Variants in MKNK1 observed in about 807,000 individuals in gnomAD.
MKNK1 encodes MAP kinase-interacting serine/threonine-protein kinase 1.
Under a neutral mutation model 49.3 loss-of-function variants are expected in MKNK1, and 30 were observed. That is an observed-to-expected ratio of 0.61 (90% confidence interval 0.46 to 0.83). The LOEUF (loss-of-function observed/expected upper bound fraction) is 0.83, where lower values mean the gene tolerates loss of function less well. MKNK1 is among the 40% of genes least tolerant of loss of function. The probability of loss-of-function intolerance (pLI) is 0.00; values close to 1 mark genes in which losing one functional copy is unlikely to be tolerated. For synonymous variants in MKNK1, 176 were observed against 201.7 expected (o/e 0.87, Z 1.08); for missense variants, 423 against 524.7 (o/e 0.81, Z 1.89).
At chr1:46,575,124 G>T in intron 5 of MKNK1, 104 bp from the exon 6 acceptor site, 1 of 720,420 alleles carries the variant, frequency 1.4e-6, no homozygotes. Context: ...ACACCTGGTA[G>T]TGGGGCAGAA....
intron 2 of MKNK1, among the ~76,000 whole-genome samples, chr1:46,587,817 C>CAA (rs146354532): frequency 6.3e-5 from 9 of 141,902 alleles, no homozygotes; most frequent in African/African-American, 1.8e-4. Context: ...AACTCCGTCT[C>CAA]AAAAAAAAAA....
Position 46,583,348 on chromosome 1 carries a change from T to C in MKNK1, c.-2-19A>G, listed in dbSNP as rs576652904. 6.3e-7 allele frequency: 1 copy of C among 1,587,290 alleles called. No homozygotes were observed. Among genetic ancestry groups the C allele is most frequent in the East Asian group, 2.2e-5 (1 of 44,722 alleles). On this transcript the variant is annotated intron_variant, in intron 2 of 12. Coordinates refer to ENST00000371945, the MANE Select transcript of MKNK1 (RefSeq NM_001135553.4). ...CCCATCTCTAGGAGATAAGAGGAGA[T>C]GTAAGGGAAACATCACTGTACTGAT...
intron 7 of MKNK1, among the ~76,000 whole-genome samples, chr1:46,570,912 T>C (rs1337422065): frequency 6.6e-6 from 1 of 152,246 alleles, no homozygotes; most frequent in Non-Finnish European, 1.5e-5. Context: ...ACATACCAAG[T>C]GCTATATAGT....
At chr1:46,582,253 C>A (rs945005354) in intron 3 of MKNK1, among the ~76,000 whole-genome samples, 3 of 152,048 alleles carry the variant, frequency 2.0e-5, no homozygotes, top group Non-Finnish European at 4.4e-5. Flanking sequence ...AAACAAAAAA[C>A]CCCTGCTGAA....
intron 1 of MKNK1, among the ~76,000 whole-genome samples, chr1:46,596,644 A>G (rs931856886): frequency 1.3e-5 from 2 of 152,196 alleles, no homozygotes; most frequent in African/African-American, 4.8e-5. Flanking sequence ...GAGCTTTACT[A>G]CCATCATCTA....
chr1:46,568,988 C>T (rs1178330347), intron 7 of MKNK1: 2 of 154,482 alleles, frequency 1.3e-5, no homozygotes, highest in African/African-American at 2.4e-5. Context: ...GTGTTAGTTA[C>T]CAAATCTCCC....
chr1:46,571,549 A>G, intron 7 of MKNK1: 1 of 434,600 alleles, frequency 2.3e-6, no homozygotes, highest in South Asian at 1.6e-5. Context: ...TCTAAAAAGG[A>G]AAAAAAAGGA....
chr1:46,583,463 G>C (rs1363554716), intron 2 of MKNK1, 134 bp from the exon 3 acceptor site: 8 of 607,602 alleles, frequency 1.3e-5, no homozygotes, highest in Non-Finnish European at 2.3e-5. Flanking sequence ...TATCTGTGAA[G>C]ACTATTGATT....
At position 46,562,688 on chromosome 1, in the gene MKNK1, G is replaced by T. The variant is rs1668243622; in HGVS notation, c.765C>A (p.Asp255Glu). 1 of 1,565,580 alleles carries T rather than the reference G, an allele frequency of 6.4e-7. No homozygotes were observed. The highest frequency in any genetic ancestry group is 1.9e-5 in the Admixed American group (1 of 52,630). The change falls in exon 10 of 13, where the codon GAC (aspartate) becomes GAA (glutamate). Residue 255 changes from aspartate to glutamate, a missense_variant. Coordinates refer to ENST00000371945, the MANE Select transcript of MKNK1 (RefSeq NM_001135553.4). ...AGACCTCGCCCCGGTCCCAGCCACA[G>T]TCGGCCCCGCAGTGACCCACGAAGG... is the stretch of plus-strand genomic sequence containing the variant. ...YPPFVGHCGA[D>E]CGWDRGEVCR...
chr1:46,563,783 C>T (rs997870053), intron 9 of MKNK1, among the ~76,000 whole-genome samples: 4 of 152,112 alleles, frequency 2.6e-5, no homozygotes, highest in East Asian at 1.9e-4. Context: ...TGGTGGCTCA[C>T]GCCTGTAATC....
At position 46,594,273 on chromosome 1, in the gene MKNK1, A is replaced by G. The variant is rs753305593; in HGVS notation, c.-163T>C. Reference sequence around the variant, plus strand: ...CTTCAGTTCTCCATCGGCCTCTGACATGGAAACCTTGAAAAAGCAGAAATA... The same window carrying G: ...CTTCAGTTCTCCATCGGCCTCTGACGTGGAAACCTTGAAAAAGCAGAAATA... On this transcript the variant is annotated 5_prime_UTR_variant, in exon 2 of 13. The change abolishes an upstream ATG in the 5' untranslated region. Coordinates refer to ENST00000371945, the MANE Select transcript of MKNK1 (RefSeq NM_001135553.4). The G allele has an allele frequency of 5.2e-6, 4 of 764,368 alleles. No homozygotes were observed. The highest frequency in any genetic ancestry group is 3.8e-5 in the Admixed American group (2 of 52,166). 47.3% of individuals were successfully genotyped at this position (764,368 alleles called of 1,614,324 possible).
At chr1:46,601,056 A>T (rs957403091) in intron 1 of MKNK1, among the ~76,000 whole-genome samples, 3 of 152,146 alleles carry the variant, frequency 2.0e-5, no homozygotes, top group African/African-American at 7.2e-5. Flanking sequence ...AGTTGGGATT[A>T]CAGGCACCCA....
chr1:46,587,154 T>C lies in MKNK1; in HGVS notation c.-2-3825A>G, dbSNP rs573382904. Among the ~76,000 whole-genome samples, 27 of 152,308 alleles carry C rather than the reference T, an allele frequency of 1.8e-4. 1 individual carries two copies. The highest frequency in any genetic ancestry group is 6.3e-4 in the African/African-American group (26 of 41,556). The stretch of plus-strand genomic sequence containing the variant: ...CAGAAGCCTGGTTCTTGCTATAGGA[T>C]TGGGCAATGTGTCTGTTATTACAGA... On this transcript the variant is annotated intron_variant, in intron 2 of 12. Coordinates refer to ENST00000371945, the MANE Select transcript of MKNK1 (RefSeq NM_001135553.4).
chr1:46,562,797 G>C lies in MKNK1; in HGVS notation c.656C>G (p.Thr219Arg). 8 of 1,612,702 alleles carry C rather than the reference G, an allele frequency of 5.0e-6. No individual in the cohort carries two copies. Among genetic ancestry groups the C allele is most frequent in the Non-Finnish European group, 6.8e-6 (8 of 1,179,450 alleles). Residue 219 changes from threonine (T) to arginine (R), a missense_variant, in exon 10 of 13, where the codon ACG (threonine) becomes AGG (arginine). Coordinates refer to ENST00000371945, the MANE Select transcript of MKNK1 (RefSeq NM_001135553.4). The part of the protein sequence containing the change: ...YMAPEVVEVF[T>R]DQATFYDKRC... The stretch of plus-strand genomic sequence containing the variant: ...CTTGTCGTAGAATGTGGCCTGGTCC[G>C]TGAAGACCTCCACTACCTCAGGGGC...
At chr1:46,602,349 T>C (rs1012716762) in intron 1 of MKNK1, among the ~76,000 whole-genome samples, 3 of 151,996 alleles carry the variant, frequency 2.0e-5, no homozygotes. Context: ...GAAGTGGAGG[T>C]TGCAGTGAGC....
intron 1 of MKNK1, among the ~76,000 whole-genome samples, chr1:46,603,887 A>C (rs865887854): frequency 6.6e-6 from 1 of 152,232 alleles, no homozygotes; most frequent in Non-Finnish European, 1.5e-5. Context: ...GGACTGCCTG[A>C]GCCCTGCGCC....
Position 46,573,334 on chromosome 1 carries a change from C to T in MKNK1, c.353-1167G>A, listed in dbSNP as rs117008063. Reference sequence around the variant, plus strand: ...AGCTACATTAAGTTTACTGATATGGCGACAGAGGATCCCATCTGCATGTAG... The same window carrying T: ...AGCTACATTAAGTTTACTGATATGGTGACAGAGGATCCCATCTGCATGTAG... On this transcript the variant is annotated intron_variant, in intron 6 of 12. Transcript: ENST00000371945. Among the ~76,000 whole-genome samples the T allele has an allele frequency of 5.5e-3, 831 of 152,274 alleles. 7 individuals are homozygous for T. The highest frequency in any genetic ancestry group is 0.032 in the East Asian group (168 of 5,190).
rs111519161 is a variant in MKNK1 at position 46,568,534 on chromosome 1, T to A, written c.458-36A>T. On this transcript the variant is annotated intron_variant, in intron 7 of 12. Coordinates refer to ENST00000371945, the MANE Select transcript of MKNK1 (RefSeq NM_001135553.4). The stretch of plus-strand genomic sequence containing the variant: ...AAAGAGCAAAAAAATGGTTAACATA[T>A]GCAGATAATTATCAAACATTCCACA... 4 of 1,583,402 alleles carry A rather than the reference T, an allele frequency of 2.5e-6. No homozygotes were observed. In the East Asian group the frequency reaches 8.9e-5, roughly 35 times the overall value.
rs188170930 is a variant in MKNK1 at position 46,589,341 on chromosome 1, C to T, written c.-3+4772G>A. Among the ~76,000 whole-genome samples, 3 of 152,200 alleles carry T rather than the reference C, an allele frequency of 2.0e-5. No homozygotes were observed. The highest frequency in any genetic ancestry group is 3.9e-4 in the East Asian group (2 of 5,178). On this transcript the variant is annotated intron_variant, in intron 2 of 12. Transcript: ENST00000371945. This position sits in a 1 kb window ranked among gnomAD's most constrained non-coding sequence, Gnocchi z 4.3. Reference sequence around the variant, plus strand: ...AGGGCTGAGGCCTGGAAGAGAGTGTCCCAGACCAAGGAAGGGCACAGGCTG... The same window carrying T: ...AGGGCTGAGGCCTGGAAGAGAGTGTTCCAGACCAAGGAAGGGCACAGGCTG...
Sources: allele counts gnomAD v4.1 joint callset (sites outside exome capture counted in the v4.1 genomes callset), GRCh38; gene constraint gnomAD v4.1.1; non-coding constraint Gnocchi (gnomAD v3.1); transcripts MANE v1.5; gene names NCBI Gene and HGNC (gene_info 2026-07-23, HGNC 2026-07-21).